ACP6: variants seen among roughly 807,000 people sequenced by gnomAD.
ACP6 encodes acid phosphatase 6, lysophosphatidic.
A neutral mutation model predicts 48.1 loss-of-function variants in ACP6; 48 were observed. The observed-to-expected ratio is 1.00, with a 90% CI of 0.79 to 1.27. The LOEUF (loss-of-function observed/expected upper bound fraction) is 1.27. ACP6 is among the 50% of genes most tolerant of loss of function. ACP6 has a pLI of 0.00. For missense variants in ACP6, 485 were observed against 529.1 expected, an observed-to-expected ratio of 0.92 and a Z score of 0.82; for synonymous variants, 172 against 204.2, an observed-to-expected ratio of 0.84 and a Z score of 1.34.
rs11541487 is a variant in ACP6 at position 147,654,302 on chromosome 1, T to C, written c.672A>G (p.Leu224=). 2.1e-3 allele frequency: 3,350 copies of C among 1,614,172 alleles called. 60 individuals carry two copies. In the African/African-American group the frequency reaches 0.038, roughly 18 times the overall value. Residue 224 remains leucine (L), a synonymous_variant, in exon 6 of 10, where the codon TTA becomes TTG. Coordinates refer to ENST00000583509, the MANE Select transcript of ACP6 (RefSeq NM_016361.5). ...TCAAATCCTCTGAGATTCCTGGCTG[T>C]AAAGAGGCAGTCTGCCTCCGGCCTC... ...RTRGRRQTAS[L]QPGISEDLKK...
downstream of ACP6, among the ~76,000 whole-genome samples, chr1:147,642,008 T>C (rs145567162): frequency 2.0e-3 from 311 of 152,334 alleles, 8 homozygotes; most frequent in East Asian, 0.043. Context: ...GTTTCCTTAA[T>C]TGATTCTCAC....
chr1:147,657,098 T>G (rs1553211754), intron 4 of ACP6, among the ~76,000 whole-genome samples: 1 of 152,250 alleles, frequency 6.6e-6, no homozygotes, highest in African/African-American at 2.4e-5. Flanking sequence ...ATGACTGTAC[T>G]AAGTCCTTTA....
chr1:147,630,767 T>C (rs1553207257), exon 6 of ACP6: 1 of 152,218 alleles, frequency 6.6e-6, no homozygotes, highest in Non-Finnish European at 1.5e-5. Context: ...CAGGGGATGG[T>C]GGATTACTGT....
chr1:147,656,529 T>C (rs1303281697), intron 4 of ACP6, among the ~76,000 whole-genome samples: 6 of 152,180 alleles, frequency 3.9e-5, no homozygotes, highest in Non-Finnish European at 7.3e-5. Context: ...CAGATATACA[T>C]GTCCTCAAAT....
At position 147,646,292 on chromosome 1, in the gene ACP6, A is replaced by AGT. The variant is rs1171667605; in HGVS notation, c.*1129_*1130dup. The stretch of plus-strand genomic sequence containing the variant: ...GAGGTGTCTTTCATTCAGATAGGGA[A>AGT]GTGTGTGGGAGAAGCAGGTCTGGGA... On this transcript the variant is annotated 3_prime_UTR_variant, in exon 10 of 10. Coordinates refer to ENST00000583509, the MANE Select transcript of ACP6 (RefSeq NM_016361.5). The AGT allele has an allele frequency of 6.6e-6, 1 of 152,102 alleles. No homozygotes were observed. The allele number at this position is 152,102 out of a possible 1,614,324, so 9.4% of individuals were successfully genotyped here.
chr1:147,669,772 C>A, intron 1 of ACP6, 58 bp downstream of exon 1: 1 of 1,481,836 alleles, frequency 6.7e-7, no homozygotes, highest in Non-Finnish European at 9.1e-7. Flanking sequence ...CAGGGCGAGA[C>A]TCCTGGCCTG....
At chr1:147,658,826 A>T in intron 4 of ACP6, 134 bp downstream of exon 4, 1 of 782,354 alleles carries the variant, frequency 1.3e-6, no homozygotes, top group Non-Finnish European at 2.1e-6. Flanking sequence ...CCACTGGACT[A>T]GGTACACACT....
intron 5 of ACP6, among the ~76,000 whole-genome samples, chr1:147,631,508 C>A: frequency 6.6e-6 from 1 of 152,120 alleles, no homozygotes; most frequent in Non-Finnish European, 1.5e-5. Flanking sequence ...ACAATATAAA[C>A]AAAGTAACCT....
rs201893716 is a variant in ACP6 at position 147,654,301 on chromosome 1, G to C, written c.673C>G (p.Gln225Glu). Residue 225 changes from glutamine to glutamate, a missense_variant, in exon 6 of 10, where the codon CAG becomes GAG. Coordinates refer to ENST00000583509, the MANE Select transcript of ACP6 (RefSeq NM_016361.5). Reference sequence around the variant, plus strand: ...TTCAAATCCTCTGAGATTCCTGGCTGTAAAGAGGCAGTCTGCCTCCGGCCT... The same window carrying C: ...TTCAAATCCTCTGAGATTCCTGGCTCTAAAGAGGCAGTCTGCCTCCGGCCT... ...TRGRRQTASL[Q>E]PGISEDLKKV... 2.7e-4 allele frequency: 431 copies of C among 1,614,042 alleles called. No homozygotes were observed. Among genetic ancestry groups the C allele is most frequent in the Admixed American group, 3.0e-4 (18 of 60,002 alleles).
intron 7 of ACP6, 143 bp downstream of exon 7, chr1:147,652,306 G>A: frequency 1.3e-6 from 1 of 762,032 alleles, no homozygotes; most frequent in Non-Finnish European, 2.1e-6. Flanking sequence ...GGGCCTACTG[G>A]TAGGTGGGCA....
chr1:147,663,121 A>G (rs1570978631), intron 1 of ACP6, among the ~76,000 whole-genome samples: 1 of 152,316 alleles, frequency 6.6e-6, no homozygotes, highest in East Asian at 1.9e-4. Flanking sequence ...CACAACTTTT[A>G]TATGCACTGG....
chr1:147,638,740 G>A (rs1338823081), downstream of ACP6, among the ~76,000 whole-genome samples: 1 of 152,138 alleles, frequency 6.6e-6, no homozygotes, highest in Non-Finnish European at 1.5e-5. Context: ...AATATACTGC[G>A]AACAATTTCC....
At chr1:147,655,806 GA>G in intron 4 of ACP6, among the ~76,000 whole-genome samples, 1 of 152,230 alleles carries the variant, frequency 6.6e-6, no homozygotes, top group Non-Finnish European at 1.5e-5. Flanking sequence ...TCTAACCAAA[GA>G]AACTACAATG....
chr1:147,634,391 T>C (rs1553207737), intron 5 of ACP6, among the ~76,000 whole-genome samples: 1 of 152,136 alleles, frequency 6.6e-6, no homozygotes, highest in African/African-American at 2.4e-5. Context: ...TCCCATTCCA[T>C]GGGGTGCCTT....
intron 5 of ACP6, among the ~76,000 whole-genome samples, chr1:147,633,768 G>A (rs1204646112): frequency 6.6e-6 from 1 of 152,008 alleles, no homozygotes; most frequent in African/African-American, 2.4e-5. Context: ...AGCAAAGCTG[G>A]TAATATTTTC....
At position 147,643,670 on chromosome 1, in the gene ACP6, A is replaced by G. The variant is rs1012106187; in HGVS notation, c.*3753T>C. ...GGATGATGGGAAAAAGGGAGATGTT[A>G]GTCAAAATGTACAAAGTTTCAGTTA... On this transcript the variant is annotated 3_prime_UTR_variant, in exon 10 of 10. Transcript: ENST00000583509. The G allele has an allele frequency of 1.3e-5, 2 of 152,226 alleles. No individual in the cohort carries two copies. The highest frequency in any genetic ancestry group is 2.9e-5 in the Non-Finnish European group (2 of 68,040). 9.4% of individuals were successfully genotyped at this position (152,226 alleles called of 1,614,324 possible). A position where few individuals can be genotyped will look rare whatever the true frequency, so the allele number is the denominator to read the frequency against.
chr1:147,647,521 T>C lies in ACP6; in HGVS notation c.1189A>G (p.Met397Val). ...TAAACTGACATGGCATTCAAGAACA[T>C]GTCCAGCGGGCAGAGCCCATCAGGG... ...GCPDGLCPLD[M>V]FLNAMSVYTL... Residue 397 changes from methionine (M) to valine (V), a missense_variant, in exon 10 of 10, where the codon ATG (methionine) becomes GTG (valine). Physicochemically the swap from Met to Val is conservative, Grantham distance 21 (BLOSUM62 1). Transcript: ENST00000583509. The C allele has an allele frequency of 1.9e-6, 3 of 1,614,054 alleles. No homozygotes were observed. The highest frequency in any genetic ancestry group is 2.5e-6 in the Non-Finnish European group (3 of 1,180,024).
intron 5 of ACP6, among the ~76,000 whole-genome samples, chr1:147,635,119 G>C (rs781843829): frequency 2.0e-4 from 31 of 152,256 alleles, no homozygotes; most frequent in Admixed American, 6.5e-4. Flanking sequence ...TTAAAAACTA[G>C]GGCCACATTT....
chr1:147,665,316 A>G (rs587738092), intron 1 of ACP6, among the ~76,000 whole-genome samples: 2 of 152,342 alleles, frequency 1.3e-5, no homozygotes, highest in East Asian at 1.9e-4. Flanking sequence ...GCCTCATCTA[A>G]GCCAGTTAAC....
Sources: allele counts gnomAD v4.1 joint callset (sites outside exome capture counted in the v4.1 genomes callset), GRCh38; gene constraint gnomAD v4.1.1; transcripts MANE v1.5; gene names NCBI Gene and HGNC (gene_info 2026-07-23, HGNC 2026-07-21).